Variants in LRBA observed in about 807,000 individuals in gnomAD.
The protein encoded by LRBA is lipopolysaccharide-responsive and beige-like anchor protein.
Under a neutral mutation model 330.0 loss-of-function variants are expected in LRBA, and 176 were observed. That is an observed-to-expected ratio of 0.53 (90% CI 0.47 to 0.60). LRBA has a LOEUF of 0.60. LRBA is among the 20% of genes least tolerant of loss of function. The pLI is 0.00. For missense variants in LRBA, 3,259 were observed against 3,444.8 expected, an observed-to-expected ratio of 0.95 and a Z score of 1.35; for synonymous variants, 1,230 against 1,193.0, an observed-to-expected ratio of 1.03 and a Z score of -0.64.
intron 37 of LRBA, among the ~76,000 whole-genome samples, chr4:150,682,539 C>T (rs184116949): frequency 1.8e-4 from 28 of 152,082 alleles, no homozygotes; most frequent in Admixed American, 1.3e-4. Context: ...AAATATCACA[C>T]GCTACATTTA....
chr4:150,345,007 A>G (rs892717314), intron 48 of LRBA, among the ~76,000 whole-genome samples: 4 of 152,132 alleles, frequency 2.6e-5, no homozygotes, highest in Non-Finnish European at 4.4e-5. Flanking sequence ...GCCTCTGTGT[A>G]GGTAACTTCT....
chr4:150,678,027 G>T (rs1782722298), intron 37 of LRBA, among the ~76,000 whole-genome samples: 1 of 151,908 alleles, frequency 6.6e-6, no homozygotes, highest in African/African-American at 2.4e-5. Context: ...ATAATTTGAG[G>T]TCAGGAGTTC....
chr4:150,499,353 T>G (rs2152115720), intron 40 of LRBA, among the ~76,000 whole-genome samples: 1 of 152,270 alleles, frequency 6.6e-6, no homozygotes, highest in South Asian at 2.1e-4. Context: ...ATAAAGTATT[T>G]CTGTCAGGGC....
intron 37 of LRBA, among the ~76,000 whole-genome samples, chr4:150,654,333 C>T (rs920862559): frequency 6.6e-6 from 1 of 152,042 alleles, no homozygotes; most frequent in Non-Finnish European, 1.5e-5. Context: ...ATTACAAGTG[C>T]CTGCCACCAT....
chr4:150,327,255 C>T (rs572213790), intron 48 of LRBA, among the ~76,000 whole-genome samples: 7 of 152,154 alleles, frequency 4.6e-5, no homozygotes, highest in Non-Finnish European at 8.8e-5. Context: ...CCTGTCTCTA[C>T]AAAAAATAAA....
At chr4:150,597,079 T>C (rs2126498292) in intron 38 of LRBA, 2 of 1,379,546 alleles carry the variant, frequency 1.4e-6, no homozygotes, top group East Asian at 4.9e-5. Context: ...TACTCAATGC[T>C]TACCTTTGCT....
intron 48 of LRBA, among the ~76,000 whole-genome samples, chr4:150,330,363 G>T (rs1733826898): frequency 6.6e-6 from 1 of 152,020 alleles, no homozygotes; most frequent in South Asian, 2.1e-4. Flanking sequence ...TGTTCATACT[G>T]CTCATTACAG....
intron 56 of LRBA, among the ~76,000 whole-genome samples, chr4:150,276,373 G>A (rs1054039395): frequency 2.6e-5 from 4 of 152,154 alleles, no homozygotes; most frequent in African/African-American, 9.7e-5. Flanking sequence ...ATAGGCATGG[G>A]CAAAGACTTC....
chr4:150,721,031 GA>G, intron 36 of LRBA: 1 of 547,576 alleles, frequency 1.8e-6, no homozygotes. Context: ...CTGAGGAACA[GA>G]AGGCGATCAA....
chr4:150,829,629 T>C (rs1039763634), intron 29 of LRBA, among the ~76,000 whole-genome samples: 17 of 152,192 alleles, frequency 1.1e-4, no homozygotes, highest in Admixed American at 1.1e-3. Flanking sequence ...CTTAACATCC[T>C]TCACCTCTTT....
chr4:150,581,999 A>C (rs1182069205), intron 40 of LRBA: 1 of 107,228 alleles, frequency 9.3e-6, no homozygotes, highest in Non-Finnish European at 1.8e-5. Flanking sequence ...AGCGAGCACG[A>C]GGAAGGGGGG....
At chr4:151,003,822 T>C (rs185068653) in intron 2 of LRBA, among the ~76,000 whole-genome samples, 200 of 150,540 alleles carry the variant, frequency 1.3e-3, no homozygotes, top group Middle Eastern at 3.4e-3. Flanking sequence ...AACCAACACA[T>C]AGACGAATGG....
chr4:150,638,448 C>A (rs929319828), intron 37 of LRBA, among the ~76,000 whole-genome samples: 1 of 152,098 alleles, frequency 6.6e-6, no homozygotes, highest in Non-Finnish European at 1.5e-5. Flanking sequence ...GATTTCTCAC[C>A]TATATTTATG....
chr4:150,574,709 T>A (rs1770312581), intron 40 of LRBA, among the ~76,000 whole-genome samples: 1 of 152,062 alleles, frequency 6.6e-6, no homozygotes, highest in African/African-American at 2.4e-5. Flanking sequence ...TATAGAAAGC[T>A]TTGATTAGCA....
At chr4:150,798,387 T>C (rs1489263578) in intron 33 of LRBA, among the ~76,000 whole-genome samples, 1 of 152,234 alleles carries the variant, frequency 6.6e-6, no homozygotes, top group East Asian at 1.9e-4. Context: ...TCATATATAA[T>C]GACAATTCAC....
At chr4:150,842,425 C>A (rs1749232028) in intron 28 of LRBA, among the ~76,000 whole-genome samples, 1 of 152,172 alleles carries the variant, frequency 6.6e-6, no homozygotes, top group South Asian at 2.1e-4. Context: ...GTAGCTAGGA[C>A]TAGAGGCGTG....
chr4:150,844,830 AT>A, intron 26 of LRBA, 51 bp from the exon 27 acceptor site: 1 of 1,478,982 alleles, frequency 6.8e-7, no homozygotes, highest in Non-Finnish European at 9.4e-7. Context: ...AATATTTAAG[AT>A]TATGGAAGTG....
At chr4:150,482,499 A>T (rs1487656053) in intron 42 of LRBA, among the ~76,000 whole-genome samples, 2 of 152,102 alleles carry the variant, frequency 1.3e-5, no homozygotes, top group Non-Finnish European at 2.9e-5. Flanking sequence ...ATAAATATTC[A>T]TGAAGCAGTC....
intron 16 of LRBA, among the ~76,000 whole-genome samples, chr4:150,894,614 T>C (rs1729858839): frequency 6.6e-6 from 1 of 152,178 alleles, no homozygotes; most frequent in Admixed American, 6.5e-5. Context: ...TAGTTTTCCT[T>C]CACTGCTTTG....
Sources: gnomAD v4.1 joint callset for allele counts (sites outside exome capture counted in the v4.1 genomes callset) on GRCh38, gnomAD v4.1.1 for gene constraint, MANE v1.5 for transcripts, NCBI Gene and HGNC (gene_info 2026-07-23, HGNC 2026-07-21) for gene names.